AP3B1: variants seen among roughly 807,000 people sequenced by gnomAD.
The protein encoded by AP3B1 is adaptor related protein complex 3 subunit beta 1, also known as AP-3 complex subunit beta-1.
In AP3B1, 61 loss-of-function variants were observed where a neutral mutation model predicts 132.5. The observed-to-expected ratio is 0.46, with a 90% CI of 0.37 to 0.57. The LOEUF (loss-of-function observed/expected upper bound fraction) is 0.57, where lower values mean the gene tolerates loss of function less well. Among genes scored for constraint, AP3B1 ranks in the 20% least tolerant of loss-of-function variants. The pLI is 0.00. For synonymous variants in AP3B1, 388 were observed against 438.3 expected (o/e 0.89, Z 1.43); for missense variants, 1,120 against 1,289.4 (o/e 0.87, Z 2.01).
rs546963709 is a variant in AP3B1, at chr5:78,252,272, A to C, written c.205-11336T>G. Among the ~76,000 whole-genome samples the C allele has an allele frequency of 2.6e-5, 4 of 152,210 alleles. No individual in the cohort carries two copies. In the East Asian group the frequency reaches 7.7e-4, roughly 29 times the overall value. On this transcript the variant is annotated intron_variant, in intron 2 of 26. Transcript: ENST00000255194. ...CAGCACATTCCCAGCTGTGGTGGCT[A>C]TGGGGCAAAACTCCTGCTTGAGAAC...
At chr5:78,058,661 A>G (rs1256969741) in intron 22 of AP3B1, among the ~76,000 whole-genome samples, 1 of 152,190 alleles carries the variant, frequency 6.6e-6, no homozygotes, top group Non-Finnish European at 1.5e-5. Flanking sequence ...AATTTCTCTT[A>G]ATTTCCTTAA....
chr5:78,163,739 C>G (rs1743495940), intron 12 of AP3B1, among the ~76,000 whole-genome samples: 1 of 150,740 alleles, frequency 6.6e-6, no homozygotes, highest in Admixed American at 6.6e-5. Flanking sequence ...GTTAAAATAT[C>G]TTTATAAATT....
chr5:78,028,613 C>T lies in AP3B1; in HGVS notation c.2894+5748G>A, dbSNP rs574611836. On this transcript the variant is annotated intron_variant, in intron 24 of 26. Transcript: ENST00000255194. ...TTTTCTGACTTAAAAGAGATTGTTT[C>T]TGATATTTCATGTGGCTATGGGTAA... 7.9e-5 allele frequency among the ~76,000 whole-genome samples: 12 copies of T among 152,158 alleles called. No homozygotes were observed. In the East Asian group the frequency reaches 2.3e-3, roughly 29 times the overall value.
chr5:78,104,191 A>G (rs1178616676), intron 20 of AP3B1, among the ~76,000 whole-genome samples: 1 of 152,198 alleles, frequency 6.6e-6, no homozygotes, highest in Non-Finnish European at 1.5e-5. Context: ...ATTATCAACC[A>G]AAGATAATTT....
At chr5:78,013,325 G>A (rs911547231) in intron 26 of AP3B1, among the ~76,000 whole-genome samples, 19 of 152,118 alleles carry the variant, frequency 1.2e-4, no homozygotes, top group African/African-American at 4.3e-4. Context: ...GATGACAGAT[G>A]TAAGCCACCT....
intron 26 of AP3B1, among the ~76,000 whole-genome samples, chr5:78,008,932 G>A (rs571052362): frequency 1.1e-4 from 17 of 152,178 alleles, no homozygotes; most frequent in African/African-American, 3.9e-4. Flanking sequence ...AATAGAGAAA[G>A]GGAAATATTA....
At chr5:78,014,162 A>G (rs1034635006) in intron 26 of AP3B1, among the ~76,000 whole-genome samples, 3 of 152,122 alleles carry the variant, frequency 2.0e-5, no homozygotes, top group Admixed American at 6.5e-5. Context: ...GACTGTCTCA[A>G]CAACAACAAA....
intron 23 of AP3B1, 43 bp downstream of exon 23, chr5:78,039,000 T>A: frequency 1.7e-6 from 2 of 1,185,986 alleles, no homozygotes; most frequent in Non-Finnish European, 2.5e-6. Flanking sequence ...ACATATTTAG[T>A]GATCAAATAT....
At chr5:78,280,072 C>CAAA (rs70997984) in intron 1 of AP3B1, among the ~76,000 whole-genome samples, 23,574 of 84,276 alleles carry the variant, frequency 0.28, 2,881 homozygotes, top group Non-Finnish European at 0.37. Flanking sequence ...GACTCTGTCT[C>CAAA]AAAAAAAAAA....
In AP3B1 at chr5:78,173,329, G is replaced by A. The variant is rs181090370; in HGVS notation, c.1167+2297C>T. On this transcript the variant is annotated intron_variant, in intron 11 of 26. Coordinates refer to ENST00000255194, the MANE Select transcript of AP3B1 (RefSeq NM_003664.5). ...GATATCCTTGTTAACCTTCTGTCTC[G>A]TTGATTTGTCTAATATTGACAGTGG... 7.9e-5 allele frequency among the ~76,000 whole-genome samples: 12 copies of A among 152,220 alleles called. No homozygotes were observed. In the Middle Eastern group the frequency reaches 0.01, roughly 129 times the overall value.
At chr5:78,030,748 C>T (rs1353119359) in intron 24 of AP3B1, among the ~76,000 whole-genome samples, 1 of 152,194 alleles carries the variant, frequency 6.6e-6, no homozygotes, top group Non-Finnish European at 1.5e-5. Context: ...GCAATCATAG[C>T]TCACTGGAGC....
chr5:78,271,170 C>A (rs1334453977), intron 1 of AP3B1, among the ~76,000 whole-genome samples: 1 of 152,146 alleles, frequency 6.6e-6, no homozygotes, highest in Non-Finnish European at 1.5e-5. Flanking sequence ...GCCTGTAATC[C>A]CAGCACTTTG....
chr5:78,215,802 G>C, intron 7 of AP3B1, among the ~76,000 whole-genome samples: 1 of 152,114 alleles, frequency 6.6e-6, no homozygotes, highest in East Asian at 1.9e-4. Flanking sequence ...CCTAACAAGG[G>C]CCTCTTGCCA....
chr5:78,213,714 A>C (rs1745846326), intron 7 of AP3B1, among the ~76,000 whole-genome samples: 1 of 152,246 alleles, frequency 6.6e-6, no homozygotes, highest in Non-Finnish European at 1.5e-5. Flanking sequence ...CTGAAATTAA[A>C]CAGTTACCAA....
In AP3B1 at chr5:78,065,817, C is replaced by T. The variant is rs115955675; in HGVS notation, c.2577+23576G>A. 2.5e-3 allele frequency among the ~76,000 whole-genome samples: 385 copies of T among 152,314 alleles called. 2 individuals carry two copies. The highest frequency in any genetic ancestry group is 0.01 in the Middle Eastern group (3 of 294). ...AGCAACCCCTCCACCAAGGGTTAGCCAGAGTGCTTCCTTAAGCAGGTCCCT... is the reference window on the plus strand; with the variant it reads ...AGCAACCCCTCCACCAAGGGTTAGCTAGAGTGCTTCCTTAAGCAGGTCCCT... On this transcript the variant is annotated intron_variant, in intron 22 of 26. Transcript: ENST00000255194.
At chr5:78,144,481 T>C (rs370901567) in intron 14 of AP3B1, among the ~76,000 whole-genome samples, 1 of 152,192 alleles carries the variant, frequency 6.6e-6, no homozygotes, top group Non-Finnish European at 1.5e-5. Context: ...AAGTAAACCC[T>C]ACAAAAACAT....
At chr5:78,136,805 C>A (rs1272169436) in intron 15 of AP3B1, among the ~76,000 whole-genome samples, 1 of 151,700 alleles carries the variant, frequency 6.6e-6, no homozygotes, top group African/African-American at 2.4e-5. Context: ...TTCTAATAAT[C>A]CCTATGGTTT....
At chr5:78,054,793 G>A (rs760845524) in intron 22 of AP3B1, among the ~76,000 whole-genome samples, 1 of 152,146 alleles carries the variant, frequency 6.6e-6, no homozygotes, top group Admixed American at 6.5e-5. Flanking sequence ...GATAAGGAAA[G>A]AAGTATGTCT....
intron 7 of AP3B1, among the ~76,000 whole-genome samples, chr5:78,205,059 C>T (rs1055332332): frequency 6.6e-6 from 1 of 152,074 alleles, no homozygotes; most frequent in Non-Finnish European, 1.5e-5. Flanking sequence ...GGATTAGAAA[C>T]AACTTATCTG....
Sources: allele counts gnomAD v4.1 joint callset (sites outside exome capture counted in the v4.1 genomes callset), GRCh38; gene constraint gnomAD v4.1.1; transcripts MANE v1.5; gene names NCBI Gene and HGNC (gene_info 2026-07-23, HGNC 2026-07-21).